The following SCN1A variants were observed in gnomAD, a reference collection of about 807,000 sequenced individuals.
SCN1A encodes sodium channel protein type 1 subunit alpha.
Under a neutral mutation model 193.7 loss-of-function variants are expected in SCN1A, and 13 were observed. That is an observed-to-expected ratio of 0.07 (90% confidence interval 0.04 to 0.11). The LOEUF is 0.11. SCN1A is among the 10% of genes least tolerant of loss of function. SCN1A has a pLI of 1.00. For synonymous variants in SCN1A, 781 were observed against 843.6 expected (o/e 0.93, Z 1.29); for missense variants, 1,432 against 2,451.1 (o/e 0.58, Z 8.78).
At chr2:166,037,162 G>A (rs967444172) in intron 18 of SCN1A, among the ~76,000 whole-genome samples, 2 of 152,086 alleles carry the variant, frequency 1.3e-5, no homozygotes, top group Admixed American at 6.6e-5. Flanking sequence ...CCAAATTTAA[G>A]AGAGATAAAG....
At chr2:166,066,218 A>G (rs1458846263) in intron 4 of SCN1A, among the ~76,000 whole-genome samples, 1 of 152,174 alleles carries the variant, frequency 6.6e-6, no homozygotes. Flanking sequence ...ACAAGGAAAA[A>G]GAATAAAATC....
chr2:166,090,137 CCGAGTGATA>C (rs913730541), intron 2 of SCN1A, among the ~76,000 whole-genome samples: 2 of 150,212 alleles, frequency 1.3e-5, no homozygotes, highest in Non-Finnish European at 3.0e-5. Flanking sequence ...ACTTCTGGCC[CCGAGTGATA>C]CTCACACCTC....
At chr2:166,015,382 TA>T (rs549932783) in intron 20 of SCN1A, among the ~76,000 whole-genome samples, 33 of 152,042 alleles carry the variant, frequency 2.2e-4, no homozygotes, top group Non-Finnish European at 3.4e-4. Flanking sequence ...TTGATGGTAC[TA>T]AAATATTTTT....
At chr2:166,130,766 G>A (rs1691626890), upstream of SCN1A, among the ~76,000 whole-genome samples, 1 of 152,110 alleles carries the variant, frequency 6.6e-6, no homozygotes, top group Non-Finnish European at 1.5e-5. Context: ...TCATCATTCT[G>A]TACACAGATA....
At chr2:166,036,975 A>T (rs1157221123) in intron 18 of SCN1A, among the ~76,000 whole-genome samples, 1 of 152,224 alleles carries the variant, frequency 6.6e-6, no homozygotes, top group African/African-American at 2.4e-5. Context: ...CAGAATGAAG[A>T]TTAGGAGCTT....
At chr2:166,148,498 C>T (rs928969134) in intron 1 of SCN1A, among the ~76,000 whole-genome samples, 1 of 152,282 alleles carries the variant, frequency 6.6e-6, no homozygotes, top group Admixed American at 6.5e-5. Context: ...GTTAATCCAC[C>T]CTCCTTCAGT....
intron 9 of SCN1A, among the ~76,000 whole-genome samples, chr2:166,050,410 G>A (rs1461537521): frequency 1.3e-5 from 2 of 150,658 alleles, no homozygotes; most frequent in Admixed American, 1.3e-4. Flanking sequence ...TTCGAGTATT[G>A]GAAAAATGCA....
At chr2:166,136,364 G>C (rs1403033670) in intron 1 of SCN1A, among the ~76,000 whole-genome samples, 1 of 152,086 alleles carries the variant, frequency 6.6e-6, no homozygotes, top group Non-Finnish European at 1.5e-5. Flanking sequence ...ATGAAACTCA[G>C]CGATCATTTG....
intron 2 of SCN1A, among the ~76,000 whole-genome samples, chr2:166,126,010 A>G (rs1416293266): frequency 2.0e-5 from 3 of 152,212 alleles, no homozygotes; most frequent in Admixed American, 1.3e-4. Flanking sequence ...AACAATGTGA[A>G]GGAAGGAGGA....
chr2:166,080,284 G>A (rs1244485219), intron 2 of SCN1A, among the ~76,000 whole-genome samples: 1 of 151,688 alleles, frequency 6.6e-6, no homozygotes, highest in Non-Finnish European at 1.5e-5. Context: ...ATAAAAACCA[G>A]CATTTAAATA....
chr2:166,087,282 C>T (rs528186921), intron 2 of SCN1A, among the ~76,000 whole-genome samples: 2 of 151,916 alleles, frequency 1.3e-5, no homozygotes. Context: ...GGCTAACCAA[C>T]GTGGAGAAAC....
intron 22 of SCN1A, among the ~76,000 whole-genome samples, chr2:166,010,777 G>A (rs1234041555): frequency 2.0e-5 from 3 of 150,814 alleles, no homozygotes. Flanking sequence ...GCTGTAATTA[G>A]TCCTTTTATA....
rs373547836 is a variant in SCN1A, at chr2:166,002,500, C to G, written c.4256G>C (p.Gly1419Ala). The G allele has an allele frequency of 6.2e-7, 1 of 1,611,380 alleles. No individual in the cohort carries two copies. Among genetic ancestry groups the G allele is most frequent in the Admixed American group, 1.7e-5 (1 of 59,722 alleles). The change falls in exon 24 of 29, where the codon GGA becomes GCA. Residue 1419 changes from glycine to alanine, a missense_variant. By Grantham distance (60) the Gly-to-Ala change is moderately conservative. Around this residue, in one of 18 missense-constraint regions of SCN1A, gnomAD observed 107 missense variants for 259.4 expected, o/e 0.41. Transcript: ENST00000674923. ...KNVKVNFDNV[G>A]FGYLSLLQVA... The stretch of plus-strand genomic sequence containing the variant: ...TTGAAGCAAAGAGAGATACCCAAAT[C>G]CTACATTATCAAAGTTTACTTTCAC...
At chr2:166,106,493 T>C (rs1029705536) in intron 2 of SCN1A, among the ~76,000 whole-genome samples, 5 of 151,882 alleles carry the variant, frequency 3.3e-5, no homozygotes, top group African/African-American at 1.2e-4. Flanking sequence ...TGGGCTACTG[T>C]TGGGCAAGCA....
At chr2:166,035,978 G>T in intron 19 of SCN1A, 70 bp downstream of exon 19, 1 of 1,470,848 alleles carries the variant, frequency 6.8e-7, no homozygotes. Flanking sequence ...TTAAGCTGAG[G>T]ATCATCTGTA....
chr2:166,143,343 T>C (rs1006837357), intron 1 of SCN1A, among the ~76,000 whole-genome samples: 14 of 151,994 alleles, frequency 9.2e-5, no homozygotes, highest in African/African-American at 3.4e-4. Flanking sequence ...ATTTTTTGTA[T>C]TTTTAATAGA....
At chr2:166,030,830 G>C (rs1473789955) in intron 19 of SCN1A, among the ~76,000 whole-genome samples, 1 of 151,898 alleles carries the variant, frequency 6.6e-6, no homozygotes, top group African/African-American at 2.4e-5. Context: ...GTGCTTCGGA[G>C]GATAGAAATG....
chr2:165,995,528 A>G (rs990389232), intron 27 of SCN1A, among the ~76,000 whole-genome samples: 25 of 151,962 alleles, frequency 1.6e-4, no homozygotes, highest in African/African-American at 6.0e-4. Flanking sequence ...TAGATACTGG[A>G]ATTCTTTCCT....
chr2:165,993,505 G>A (rs1291611934), intron 28 of SCN1A: 1 of 152,236 alleles, frequency 6.6e-6, no homozygotes, highest in Non-Finnish European at 1.5e-5. Context: ...AATGAAATGA[G>A]CTATTGCTCA....
Sources: allele counts gnomAD v4.1 joint callset (sites outside exome capture counted in the v4.1 genomes callset), GRCh38; gene constraint gnomAD v4.1.1; regional missense constraint gnomAD v4.1.1; transcripts MANE v1.5; gene names NCBI Gene and HGNC (gene_info 2026-07-23, HGNC 2026-07-21).